DPY19L3: variants seen among roughly 807,000 people sequenced by gnomAD.
The protein encoded by DPY19L3 is dpy-19 like C-mannosyltransferase 3.
A neutral mutation model predicts 92.3 loss-of-function variants in DPY19L3; 51 were observed. The observed-to-expected ratio is 0.55, with a 90% CI of 0.44 to 0.70. The LOEUF (loss-of-function observed/expected upper bound fraction) is 0.70, where lower values mean the gene tolerates loss of function less well. Ranked by LOEUF, DPY19L3 falls within the 30% of genes least tolerant of loss-of-function variation. DPY19L3 has a pLI of 0.00. For missense variants in DPY19L3, 706 were observed against 855.9 expected, an observed-to-expected ratio of 0.82 and a Z score of 2.18; for synonymous variants, 309 against 315.2, an observed-to-expected ratio of 0.98 and a Z score of 0.21.
chr19:32,449,142 A>G (rs1370085505), intron 8 of DPY19L3, among the ~76,000 whole-genome samples: 3 of 152,214 alleles, frequency 2.0e-5, no homozygotes, highest in African/African-American at 7.2e-5. Context: ...AACCAATGAG[A>G]AAAGGGAACA....
In DPY19L3 at chr19:32,454,951, A is replaced by G; in HGVS notation, c.1000A>G (p.Thr334Ala). 6.4e-7 allele frequency: 1 copy of G among 1,560,988 alleles called. No individual in the cohort carries two copies. Among genetic ancestry groups the G allele is most frequent in the South Asian group, 1.2e-5 (1 of 82,068 alleles). The change falls in exon 10 of 19, where the codon ACT (threonine) becomes GCT (alanine). Residue 334 changes from threonine (T) to alanine (A), a missense_variant. Transcript: ENST00000392250. ...IARKLQKNLKTGSFLNRLGKL... is the reference protein window; with the variant it reads ...IARKLQKNLKAGSFLNRLGKL... ...TTTTAATTTCTAGAAAAATCTGAAA[A>G]CTGGAAGCTTCCTTAATAGGCTTGG...
At chr19:32,444,472 T>C (rs1041302783) in intron 8 of DPY19L3, among the ~76,000 whole-genome samples, 3 of 152,054 alleles carry the variant, frequency 2.0e-5, no homozygotes, top group African/African-American at 7.2e-5. Flanking sequence ...GAGACTATAA[T>C]GAAAAGTCTA....
At chr19:32,439,529 G>A (rs2145501329) in intron 7 of DPY19L3, among the ~76,000 whole-genome samples, 1 of 152,280 alleles carries the variant, frequency 6.6e-6, no homozygotes, top group Non-Finnish European at 1.5e-5. Flanking sequence ...TTGCTCTTGA[G>A]ATGTGATTTG....
At chr19:32,435,760 AACT>A (rs1969117266) in intron 4 of DPY19L3, among the ~76,000 whole-genome samples, 1 of 152,232 alleles carries the variant, frequency 6.6e-6, no homozygotes, top group South Asian at 2.1e-4. Flanking sequence ...TTCTTCTGTG[AACT>A]ATCCATTCAT....
chr19:32,482,076 T>C lies in DPY19L3; in HGVS notation c.1990-3T>C, dbSNP rs377503256. ...ATTGTATTTGGGTTTGTTTTGGTTT[T>C]AGATGATGGATGGCCCAGGAGAGAA... is the stretch of plus-strand genomic sequence containing the variant. On this transcript the variant is annotated splice_polypyrimidine_tract_variant and splice_region_variant and intron_variant, in intron 18 of 18. Transcript: ENST00000392250. 5 of 1,606,668 alleles carry C rather than the reference T, an allele frequency of 3.1e-6. No homozygotes were observed. The African/African-American group carries it at 5.4e-5, about 17-fold the overall frequency.
At chr19:32,437,081 C>A in intron 5 of DPY19L3, 113 bp from the exon 6 acceptor site, 2 of 1,301,418 alleles carry the variant, frequency 1.5e-6, no homozygotes, top group Non-Finnish European at 1.1e-6. Context: ...GGGCTTGCTG[C>A]TTGGAATTAG....
intron 1 of DPY19L3, among the ~76,000 whole-genome samples, chr19:32,407,268 C>CCG (rs1555714142): frequency 8.1e-6 from 1 of 123,266 alleles, no homozygotes. Flanking sequence ...TCCTGCTCCC[C>CCG]CCCACCCATT....
Position 32,477,649 on chromosome 19 carries a change from A to G in DPY19L3, c.1825A>G (p.Arg609Gly). ...AGACAGCAGCCTGAGAGAGCGGACC[A>G]GAGCGGTGAGGCTCCCCAGTGCCTC... ...YEDSSLRERTRAVYQIYAKRA... is the reference protein window; with the variant it reads ...YEDSSLRERTGAVYQIYAKRA... The change falls in exon 17 of 19, where the codon AGA becomes GGA. Residue 609 changes from arginine to glycine, a missense_variant. Arg to Gly is a moderately radical substitution (Grantham distance 125). Coordinates refer to ENST00000392250, the MANE Select transcript of DPY19L3 (RefSeq NM_001172774.2). The G allele has an allele frequency of 1.2e-6, 2 of 1,614,042 alleles. No individual in the cohort carries two copies. The highest frequency in any genetic ancestry group is 1.1e-5 in the South Asian group (1 of 91,068).
chr19:32,445,616 A>G (rs1407099511), intron 8 of DPY19L3, among the ~76,000 whole-genome samples: 1 of 152,146 alleles, frequency 6.6e-6, no homozygotes, highest in South Asian at 2.1e-4. Flanking sequence ...ATGATAAGGA[A>G]TTTAAGAGCA....
rs1170816839 is a variant in DPY19L3, at chr19:32,482,513, G to A, written c.*273G>A. 1.5e-5 allele frequency: 5 copies of A among 332,760 alleles called. No homozygotes were observed. In the East Asian group the frequency reaches 3.3e-4, roughly 22 times the overall value. 20.6% of individuals were successfully genotyped at this position (332,760 alleles called of 1,614,324 possible). On this transcript the variant is annotated 3_prime_UTR_variant, in exon 19 of 19. Coordinates refer to ENST00000392250, the MANE Select transcript of DPY19L3 (RefSeq NM_001172774.2). ...TGACCTAGAATTATGTTGTTGGAGA[G>A]AATGATGTGTGTTCCATGGATACCT...
rs567892259 is a variant in DPY19L3, at chr19:32,463,886, C to T, written c.1463C>T (p.Thr488Met). The T allele has an allele frequency of 1.3e-5, 21 of 1,613,066 alleles. No homozygotes were observed. Among genetic ancestry groups the T allele is most frequent in the East Asian group, 2.2e-5 (1 of 44,872 alleles). ...LSTMRMKYLW[T>M]SHMCVFASFG... is the part of the protein sequence containing the mutation. ...TCTTGCAGAATGAAGTACCTCTGGA[C>T]GTCACACATGTGTGTGTTCGCATCA... Residue 488 changes from threonine to methionine, a missense_variant, in exon 14 of 19, where the codon ACG becomes ATG. Coordinates refer to ENST00000392250, the MANE Select transcript of DPY19L3 (RefSeq NM_001172774.2).
intron 16 of DPY19L3, among the ~76,000 whole-genome samples, chr19:32,470,780 G>GTTTT (rs1970333273): frequency 1.5e-5 from 1 of 68,378 alleles, no homozygotes; most frequent in Non-Finnish European, 2.8e-5. Flanking sequence ...TATTCCTTTG[G>GTTTT]CTTTTTTTTT....
intron 3 of DPY19L3, among the ~76,000 whole-genome samples, chr19:32,429,498 G>T (rs1968888513): frequency 6.6e-6 from 1 of 152,176 alleles, no homozygotes; most frequent in Non-Finnish European, 1.5e-5. Flanking sequence ...AATTAATCAT[G>T]TTTGAATGCA....
chr19:32,445,611 A>G (rs564700313), intron 8 of DPY19L3, among the ~76,000 whole-genome samples: 1 of 152,148 alleles, frequency 6.6e-6, no homozygotes, highest in Non-Finnish European at 1.5e-5. Flanking sequence ...AGGAAATGAT[A>G]AGGAATTTAA....
intron 13 of DPY19L3, 146 bp from the exon 14 acceptor site, chr19:32,463,723 C>A: frequency 1.1e-6 from 1 of 878,980 alleles, no homozygotes; most frequent in Non-Finnish European, 1.8e-6. Flanking sequence ...TGGAGTTAAA[C>A]AACGAACCCT....
chr19:32,439,603 G>A (rs1198927910), intron 7 of DPY19L3, among the ~76,000 whole-genome samples, 173 bp from the exon 8 acceptor site: 3 of 152,176 alleles, frequency 2.0e-5, no homozygotes, highest in African/African-American at 7.2e-5. Context: ...TATATGCAAA[G>A]TGTCACTTTA....
At chr19:32,430,495 C>G (rs1242343878) in intron 3 of DPY19L3, among the ~76,000 whole-genome samples, 1 of 152,056 alleles carries the variant, frequency 6.6e-6, no homozygotes, top group African/African-American at 2.4e-5. Flanking sequence ...ATTTGCTACC[C>G]TACCTCCCAT....
intron 12 of DPY19L3, among the ~76,000 whole-genome samples, chr19:32,460,602 A>T (rs1258632238): frequency 3.9e-5 from 6 of 152,204 alleles, no homozygotes; most frequent in African/African-American, 7.2e-5. Context: ...AAATCTATTT[A>T]AAAAACAAAG....
At chr19:32,473,157 T>C (rs1313262925) in intron 16 of DPY19L3, among the ~76,000 whole-genome samples, 1 of 152,212 alleles carries the variant, frequency 6.6e-6, no homozygotes, top group East Asian at 1.9e-4. Flanking sequence ...TGCCATCAGG[T>C]CTTCCTGGAA....
Sources: gnomAD v4.1 joint callset for allele counts (sites outside exome capture counted in the v4.1 genomes callset) on GRCh38, gnomAD v4.1.1 for gene constraint, MANE v1.5 for transcripts, NCBI Gene and HGNC (gene_info 2026-07-23, HGNC 2026-07-21) for gene names.